Variants in SPAG1 observed in about 807,000 individuals in gnomAD.
The protein encoded by SPAG1 is sperm-associated antigen 1.
In SPAG1, 69 loss-of-function variants were observed where a neutral mutation model predicts 100.5. The observed-to-expected ratio is 0.69, with a 90% CI of 0.57 to 0.84. The LOEUF (loss-of-function observed/expected upper bound fraction) is 0.84, where lower values mean the gene tolerates loss of function less well. Among genes scored for constraint, SPAG1 ranks in the 40% least tolerant of loss-of-function variants. The pLI is 0.00. For missense variants in SPAG1, 955 were observed against 1,133.1 expected (o/e 0.84, Z 2.26); for synonymous variants, 336 against 411.6 (o/e 0.82, Z 2.22).
At chr8:100,209,759 T>C (rs576548719) in intron 10 of SPAG1, among the ~76,000 whole-genome samples, 2 of 152,260 alleles carry the variant, frequency 1.3e-5, no homozygotes, top group South Asian at 2.1e-4. Context: ...ATTATAAATA[T>C]AATTGTTTCC....
intron 12 of SPAG1, among the ~76,000 whole-genome samples, chr8:100,219,138 G>A (rs978482295): frequency 6.6e-6 from 1 of 152,220 alleles, no homozygotes; most frequent in Admixed American, 6.5e-5. Flanking sequence ...GAAGTCTACA[G>A]TGACTAGCAC....
chr8:100,212,216 CCTCT>C (rs1205866904), intron 10 of SPAG1, among the ~76,000 whole-genome samples: 1 of 151,966 alleles, frequency 6.6e-6, no homozygotes, highest in Admixed American at 6.6e-5. Flanking sequence ...TTTTCTATTC[CCTCT>C]GTCTCTGTGC....
chr8:100,232,387 A>T (rs1334891711), intron 15 of SPAG1, among the ~76,000 whole-genome samples: 2 of 151,828 alleles, frequency 1.3e-5, no homozygotes, highest in African/African-American at 4.8e-5. Flanking sequence ...AGGCCATTCC[A>T]TCCTCTCCCC....
At chr8:100,201,672 A>C (rs551928259) in intron 10 of SPAG1, among the ~76,000 whole-genome samples, 9 of 151,904 alleles carry the variant, frequency 5.9e-5, no homozygotes, top group Non-Finnish European at 1.0e-4. Flanking sequence ...ATCTCTCCAG[A>C]TCTCCTTTCA....
chr8:100,178,278 G>A (rs984172437), intron 4 of SPAG1, among the ~76,000 whole-genome samples: 58 of 151,352 alleles, frequency 3.8e-4, no homozygotes, highest in African/African-American at 1.2e-3. Context: ...AAAATTTCAG[G>A]GAACAATTGT....
At chr8:100,169,285 G>A (rs28451109) in intron 3 of SPAG1, among the ~76,000 whole-genome samples, 1 of 152,152 alleles carries the variant, frequency 6.6e-6, no homozygotes, top group Non-Finnish European at 1.5e-5. Flanking sequence ...TGGGTGTGGT[G>A]GCGCATGCCT....
At chr8:100,225,130 A>G in intron 13 of SPAG1, 43 bp from the exon 14 acceptor site, 20 of 1,543,054 alleles carry the variant, frequency 1.3e-5, no homozygotes, top group Non-Finnish European at 1.8e-5. Context: ...TAATATAAAA[A>G]GCAAACTAAA....
rs1815804977 is a variant in SPAG1, at chr8:100,171,023, TG to T, written c.300+5051del. Among the ~76,000 whole-genome samples the T allele has an allele frequency of 1.3e-5, 2 of 152,124 alleles. 1 individual carries two copies. The highest frequency in any genetic ancestry group is 4.1e-4 in the South Asian group (2 of 4,830). Reference sequence around the variant, plus strand: ...CCTTTATCAAGTTGAAGTTTTCTTCTGTTCCTTGTTTGATGAGAATTTTTAT... The same window carrying T: ...CCTTTATCAAGTTGAAGTTTTCTTCTTTCCTTGTTTGATGAGAATTTTTAT... On this transcript the variant is annotated intron_variant, in intron 3 of 18. Coordinates refer to ENST00000388798, the MANE Select transcript of SPAG1 (RefSeq NM_003114.5).
intron 10 of SPAG1, among the ~76,000 whole-genome samples, chr8:100,207,797 C>T (rs1298898109): frequency 1.3e-5 from 2 of 152,194 alleles, no homozygotes; most frequent in African/African-American, 4.8e-5. Context: ...GCAGTGGGCT[C>T]ATACTCATGG....
In SPAG1 at chr8:100,220,404, T is replaced by C. The variant is rs1335933882; in HGVS notation, c.1661T>C (p.Leu554Pro). The change falls in exon 13 of 19, where the codon CTC (leucine) becomes CCC (proline). Residue 554 changes from leucine to proline, a missense_variant. Coordinates refer to ENST00000388798, the MANE Select transcript of SPAG1 (RefSeq NM_003114.5). ...ACAGTGTTGCAGATAGACTGTGGAC[T>C]CCAGCTAGCAAATGACAGTGTTAAC... ...YKTVLQIDCG[L>P]QLANDSVNRL... The C allele has an allele frequency of 6.2e-7, 1 of 1,613,400 alleles. No homozygotes were observed. Among genetic ancestry groups the C allele is most frequent in the South Asian group, 1.1e-5 (1 of 90,906 alleles).
At chr8:100,202,879 G>C (rs1817348359) in intron 10 of SPAG1, among the ~76,000 whole-genome samples, 1 of 152,058 alleles carries the variant, frequency 6.6e-6, no homozygotes, top group East Asian at 1.9e-4. Context: ...AGAAGAGTGA[G>C]ACTGGGTGCA....
chr8:100,218,506 G>T (rs1329656794), intron 12 of SPAG1, among the ~76,000 whole-genome samples: 2 of 152,170 alleles, frequency 1.3e-5, no homozygotes, highest in Non-Finnish European at 2.9e-5. Flanking sequence ...CTAAATTTAA[G>T]GCAGTGGTAC....
chr8:100,165,636 T>G (rs1815515462), intron 2 of SPAG1, among the ~76,000 whole-genome samples, 178 bp from the exon 3 acceptor site: 1 of 152,138 alleles, frequency 6.6e-6, no homozygotes, highest in Non-Finnish European at 1.5e-5. Context: ...CTTCTTTTAA[T>G]CATTCCATAG....
At chr8:100,184,425 T>G (rs1369498237) in intron 6 of SPAG1, among the ~76,000 whole-genome samples, 1 of 152,170 alleles carries the variant, frequency 6.6e-6, no homozygotes, top group African/African-American at 2.4e-5. Flanking sequence ...AATCAATCAT[T>G]AAAAAAATTC....
chr8:100,240,629 ATTTGCCGATGT>A lies in SPAG1; in HGVS notation c.2511_2521del (p.Leu837PhefsTer3). 2 of 1,614,144 alleles carry A rather than the reference ATTTGCCGATGT, an allele frequency of 1.2e-6. No homozygotes were observed. Among genetic ancestry groups the A allele is most frequent in the Non-Finnish European group, 1.7e-6 (2 of 1,180,014 alleles). On this transcript the variant is annotated frameshift_variant, in exon 18 of 19. Transcript: ENST00000388798. LOFTEE classifies it high-confidence loss of function. ...CTTTTAGCCATCACTGCACCAAAAG[ATTTGCCGATGT>A]TTTTAAGTAACAAACTTGAAGGGGA...
At chr8:100,167,507 G>A (rs1299196096) in intron 3 of SPAG1, among the ~76,000 whole-genome samples, 3 of 152,138 alleles carry the variant, frequency 2.0e-5, no homozygotes, top group Non-Finnish European at 4.4e-5. Context: ...TTACTGTATT[G>A]TACTCACCTA....
chr8:100,220,332 C>T lies in SPAG1; in HGVS notation c.1589C>T (p.Ala530Val). 1 of 1,613,982 alleles carries T rather than the reference C, an allele frequency of 6.2e-7. No homozygotes were observed. ...AAACCTCTTCTGAGGCGGGCGATGG[C>T]CTATGAAACTCTAGAGCAGTATGGG... ...SMKPLLRRAM[A>V]YETLEQYGKA... Residue 530 changes from alanine (A) to valine (V), a missense_variant, in exon 13 of 19, where the codon GCC (alanine) becomes GTC (valine). Ala to Val is a moderately conservative substitution (Grantham distance 64, BLOSUM62 0). Transcript: ENST00000388798.
chr8:100,175,829 C>A (rs1465439347), intron 3 of SPAG1, among the ~76,000 whole-genome samples: 1 of 152,116 alleles, frequency 6.6e-6, no homozygotes. Context: ...TGTTCTTGAA[C>A]CAATACAGAA....
chr8:100,224,350 C>T (rs1166256123), intron 13 of SPAG1, among the ~76,000 whole-genome samples: 9 of 151,870 alleles, frequency 5.9e-5, no homozygotes, highest in African/African-American at 2.2e-4. Context: ...GAGACCAGAC[C>T]GGCCAACATG....
Sources: gnomAD v4.1 joint callset for allele counts (sites outside exome capture counted in the v4.1 genomes callset) on GRCh38, gnomAD v4.1.1 for gene constraint, MANE v1.5 for transcripts, NCBI Gene and HGNC (gene_info 2026-07-23, HGNC 2026-07-21) for gene names.